MAN2A1: variants seen among roughly 807,000 people sequenced by gnomAD.
MAN2A1 encodes the protein mannosidase alpha class 2A member 1.
In MAN2A1, 76 loss-of-function variants were observed where a neutral mutation model predicts 142.6. That is an observed-to-expected ratio of 0.53 (90% CI 0.44 to 0.65). The LOEUF (loss-of-function observed/expected upper bound fraction) is 0.65, where lower values mean the gene tolerates loss of function less well. Among genes scored for constraint, MAN2A1 ranks in the 30% least tolerant of loss-of-function variants. MAN2A1 has a pLI of 0.00. For missense variants in MAN2A1, 1,311 were observed against 1,365.1 expected (o/e 0.96, Z 0.62); for synonymous variants, 559 against 473.2 (o/e 1.18, Z -2.35).
rs371700067 is a variant in MAN2A1 at position 109,813,093 on chromosome 5, A to C, written c.1944-4180A>C. Among the ~76,000 whole-genome samples, 9 of 152,326 alleles carry C rather than the reference A, an allele frequency of 5.9e-5. No individual in the cohort carries two copies. In the South Asian group the frequency reaches 1.9e-3, roughly 32 times the overall value. On this transcript the variant is annotated intron_variant, in intron 12 of 21. Coordinates refer to ENST00000261483, the MANE Select transcript of MAN2A1 (RefSeq NM_002372.4). ...CTCAAATATCGTTTTTGCTTACTTC[A>C]TGCAGTGAGGTCATGAGATGAACTC...
chr5:109,858,035 C>T (rs147607281), intron 20 of MAN2A1, among the ~76,000 whole-genome samples: 27 of 152,338 alleles, frequency 1.8e-4, no homozygotes, highest in Admixed American at 1.6e-3. Context: ...ATCCTAATGA[C>T]ACTTACTCCA....
chr5:109,708,258 A>C (rs116955152), intron 1 of MAN2A1, among the ~76,000 whole-genome samples: 1 of 152,254 alleles, frequency 6.6e-6, no homozygotes, highest in East Asian at 1.9e-4. Flanking sequence ...GGATAAGGTA[A>C]GGGCAGAGTG....
chr5:109,860,261 C>T (rs1226653580), intron 20 of MAN2A1, among the ~76,000 whole-genome samples: 1 of 152,096 alleles, frequency 6.6e-6, no homozygotes, highest in Non-Finnish European at 1.5e-5. Flanking sequence ...TTCTTTCTGT[C>T]ATTTTATCTT....
At chr5:109,729,908 T>C (rs928674365) in intron 4 of MAN2A1, among the ~76,000 whole-genome samples, 1 of 152,142 alleles carries the variant, frequency 6.6e-6, no homozygotes, top group Middle Eastern at 3.4e-3. Context: ...ACGACAATGC[T>C]TGGACCCAGA....
intron 19 of MAN2A1, among the ~76,000 whole-genome samples, chr5:109,851,247 C>T (rs1000500357): frequency 1.3e-5 from 2 of 152,160 alleles, no homozygotes; most frequent in Non-Finnish European, 2.9e-5. Flanking sequence ...TGTGGCTGCA[C>T]GAGGTTGACC....
intron 16 of MAN2A1, among the ~76,000 whole-genome samples, chr5:109,825,139 G>C (rs1283859068): frequency 1.3e-5 from 2 of 152,152 alleles, no homozygotes; most frequent in Non-Finnish European, 2.9e-5. Flanking sequence ...CTTCTGGTAA[G>C]TCAGAAACTG....
intron 16 of MAN2A1, among the ~76,000 whole-genome samples, chr5:109,826,698 C>A (rs1314707056): frequency 6.6e-6 from 1 of 152,186 alleles, no homozygotes; most frequent in African/African-American, 2.4e-5. Context: ...AATCACTAAT[C>A]AAGGCCCATG....
chr5:109,810,848 G>T (rs934804987), intron 12 of MAN2A1, among the ~76,000 whole-genome samples: 8 of 152,058 alleles, frequency 5.3e-5, no homozygotes, highest in Non-Finnish European at 1.0e-4. Flanking sequence ...GCTCTTGTTT[G>T]TTGACAGCTA....
intron 16 of MAN2A1, among the ~76,000 whole-genome samples, chr5:109,838,023 C>T (rs1755101163): frequency 6.6e-6 from 1 of 151,488 alleles, no homozygotes; most frequent in Non-Finnish European, 1.5e-5. Flanking sequence ...GTAAGACAGT[C>T]TGTATCTGTG....
At chr5:109,709,698 T>C (rs929497584) in intron 1 of MAN2A1, among the ~76,000 whole-genome samples, 3 of 152,240 alleles carry the variant, frequency 2.0e-5, no homozygotes, top group African/African-American at 7.2e-5. Context: ...GTATTTGATA[T>C]GTGATTTTTT....
At chr5:109,696,035 T>C (rs1484345407) in intron 1 of MAN2A1, among the ~76,000 whole-genome samples, 3 of 152,116 alleles carry the variant, frequency 2.0e-5, no homozygotes, top group Non-Finnish European at 2.9e-5. Flanking sequence ...TCATAGCTTT[T>C]CTGAAAGAGT....
At chr5:109,741,217 G>A (rs1046895856) in intron 4 of MAN2A1, among the ~76,000 whole-genome samples, 3 of 152,134 alleles carry the variant, frequency 2.0e-5, no homozygotes, top group Admixed American at 6.5e-5. Context: ...AGCCAGATTA[G>A]TGCAGATGAA....
chr5:109,776,315 T>C (rs1021773924), intron 8 of MAN2A1, among the ~76,000 whole-genome samples: 22 of 152,082 alleles, frequency 1.4e-4, no homozygotes, highest in African/African-American at 5.3e-4. Flanking sequence ...TAATAAAATA[T>C]CAAGTTTATT....
intron 17 of MAN2A1, among the ~76,000 whole-genome samples, chr5:109,844,038 A>C (rs1297918469): frequency 2.0e-5 from 3 of 152,198 alleles, no homozygotes; most frequent in African/African-American, 7.2e-5. Flanking sequence ...CTGAATTAGC[A>C]TGTTAATTCG....
chr5:109,865,008 G>T (rs772028940), intron 20 of MAN2A1, 28 bp from the exon 21 acceptor site: 2 of 1,442,712 alleles, frequency 1.4e-6, no homozygotes, highest in East Asian at 2.3e-5. Flanking sequence ...TTGTCTGCGC[G>T]GTGTGACTGC....
chr5:109,693,558 A>G (rs1186079408), intron 1 of MAN2A1, among the ~76,000 whole-genome samples: 1 of 152,082 alleles, frequency 6.6e-6, no homozygotes, highest in Non-Finnish European at 1.5e-5. Flanking sequence ...AGACCATCCT[A>G]GATTGAGAGC....
chr5:109,856,513 G>A (rs775519277), intron 20 of MAN2A1, among the ~76,000 whole-genome samples: 1 of 152,166 alleles, frequency 6.6e-6, no homozygotes, highest in Non-Finnish European at 1.5e-5. Context: ...AGCAAGCCTT[G>A]TAAAGGGGCC....
intron 16 of MAN2A1, among the ~76,000 whole-genome samples, chr5:109,832,188 G>A (rs1031359069): frequency 7.9e-5 from 5 of 63,508 alleles, no homozygotes; most frequent in Non-Finnish European, 1.6e-4. Flanking sequence ...TTTTTTTTTA[G>A]TATTTATTGA....
At position 109,823,738 on chromosome 5, in the gene MAN2A1, A is replaced by G; in HGVS notation, c.2467A>G (p.Thr823Ala). 1 of 1,599,802 alleles carries G rather than the reference A, an allele frequency of 6.3e-7. No homozygotes were observed. Among genetic ancestry groups the G allele is most frequent in the South Asian group, 1.1e-5 (1 of 89,210 alleles). ...DGNAKPYVYTTPPFVRVTHGR... is the reference protein window; with the variant it reads ...DGNAKPYVYTAPPFVRVTHGR... ...TTCTTTTCAGCCTTATGTTTACACA[A>G]CACCGCCCTTTGTCAGAGTGACACA... is the stretch of plus-strand genomic sequence containing the variant. The change falls in exon 16 of 22, where the codon ACA becomes GCA. Residue 823 changes from threonine to alanine, a missense_variant. By Grantham distance (58) the Thr-to-Ala change is moderately conservative (BLOSUM62 0). This residue lies in a region of MAN2A1 where 890 missense variants were observed against 920.5 expected (regional missense o/e 0.97). Transcript: ENST00000261483.
Sources: allele counts gnomAD v4.1 joint callset (sites outside exome capture counted in the v4.1 genomes callset), GRCh38; gene constraint gnomAD v4.1.1; regional missense constraint gnomAD v4.1.1; transcripts MANE v1.5; gene names NCBI Gene and HGNC (gene_info 2026-07-23, HGNC 2026-07-21).